TEX28: variants seen among roughly 807,000 people sequenced by gnomAD.
The protein encoded by TEX28 is testis expressed 28.
chrX:154,294,567 C>G (rs1557163509), upstream of TEX28, among the ~76,000 whole-genome samples: 1 of 91,018 alleles, frequency 1.1e-5, no homozygotes, highest in African/African-American at 4.2e-5. Flanking sequence ...TTTGGGAGGC[C>G]GAGGTGGGCA....
At chrX:154,295,007 C>A (rs1365896867), upstream of TEX28, 1 of 111,769 alleles carries the variant, frequency 8.9e-6, no homozygotes, top group Non-Finnish European at 1.9e-5. Flanking sequence ...GGGAGCCATG[C>A]GAGTTCTGGG....
upstream of TEX28, among the ~76,000 whole-genome samples, chrX:154,294,863 G>A (rs2067207059): frequency 8.9e-6 from 1 of 112,046 alleles, no homozygotes; most frequent in Non-Finnish European, 1.9e-5. Flanking sequence ...GGAACCCAAG[G>A]GCATTCAGCC....
At chrX:154,294,797 C>T (rs782505935), upstream of TEX28, among the ~76,000 whole-genome samples, 225 of 107,974 alleles carry the variant, frequency 2.1e-3, no homozygotes, top group Non-Finnish European at 3.4e-3. Flanking sequence ...GGCGAGACTC[C>T]GTCTCAAAAA....
chrX:154,294,380 T>C (rs2067201752), upstream of TEX28, among the ~76,000 whole-genome samples: 1 of 106,994 alleles, frequency 9.3e-6, no homozygotes, highest in East Asian at 3.0e-4. Flanking sequence ...CTTTTTTTTT[T>C]TTTTTAGACG....
upstream of TEX28, among the ~76,000 whole-genome samples, chrX:154,294,568 G>A (rs1175033572): frequency 1.9e-5 from 2 of 104,450 alleles, no homozygotes; most frequent in African/African-American, 7.0e-5. Flanking sequence ...TTGGGAGGCC[G>A]AGGTGGGCAG....
chrX:154,294,461 G>C (rs1557163176), upstream of TEX28, among the ~76,000 whole-genome samples: 69 of 107,746 alleles, frequency 6.4e-4, no homozygotes, highest in African/African-American at 2.2e-3. Context: ...CCGCTTCCCG[G>C]ATTCAAGTGA....
upstream of TEX28, among the ~76,000 whole-genome samples, chrX:154,294,303 G>A (rs2067200993): frequency 3.2e-5 from 3 of 94,327 alleles, no homozygotes; most frequent in African/African-American, 1.2e-4. Context: ...CTGACCTCAG[G>A]TGATCCACCC....
upstream of TEX28, among the ~76,000 whole-genome samples, chrX:154,294,776 T>C (rs61086372): frequency 0.39 from 42,432 of 107,697 alleles, 7,527 homozygotes; most frequent in African/African-American, 0.66. Context: ...GCACTCCAGC[T>C]TGGGCGACAG....
chrX:154,295,082 A>G (rs1167712823), upstream of TEX28: 1 of 111,964 alleles, frequency 8.9e-6, no homozygotes, highest in Non-Finnish European at 1.9e-5. Context: ...TAGTGCTGGC[A>G]CCACCGGACA....
upstream of TEX28, among the ~76,000 whole-genome samples, chrX:154,294,660 AGGTGTGGT>A (rs1557163545): frequency 9.1e-6 from 1 of 109,975 alleles, no homozygotes; most frequent in Non-Finnish European, 1.9e-5. Context: ...AAAATTAGCC[AGGTGTGGT>A]GGCGGATGCC....
chrX:154,294,760 GC>G (rs2067205657), upstream of TEX28, among the ~76,000 whole-genome samples: 1 of 108,875 alleles, frequency 9.2e-6, no homozygotes, highest in African/African-American at 3.4e-5. Flanking sequence ...CTAAGTTCGA[GC>G]CACTGCACTC....
chrX:154,293,317 T>G (rs1391670879), upstream of TEX28, among the ~76,000 whole-genome samples: 1 of 58,233 alleles, frequency 1.7e-5, no homozygotes, highest in Admixed American at 1.8e-4. Flanking sequence ...GAGAAAAAAA[T>G]GGGACTTGAT....
upstream of TEX28, among the ~76,000 whole-genome samples, chrX:154,294,367 C>G (rs1328256707): frequency 2.0e-5 from 2 of 101,784 alleles, no homozygotes; most frequent in Admixed American, 1.1e-4. Context: ...CTGTGCCCAG[C>G]CACTTTTTTT....
chrX:154,293,331 T>A (rs2067195869), upstream of TEX28, among the ~76,000 whole-genome samples: 1 of 74,955 alleles, frequency 1.3e-5, no homozygotes, highest in Non-Finnish European at 2.3e-5. Context: ...ACTTGATTAA[T>A]CAAAACAAAA....
upstream of TEX28, among the ~76,000 whole-genome samples, chrX:154,294,370 C>CTG (rs1557163149): frequency 8.6e-5 from 8 of 93,306 alleles, no homozygotes; most frequent in South Asian, 4.2e-3. Context: ...TGCCCAGCCA[C>CTG]TTTTTTTTTT....
upstream of TEX28, among the ~76,000 whole-genome samples, chrX:154,293,651 C>G (rs2067197093): frequency 1.3e-5 from 1 of 74,310 alleles, no homozygotes. Flanking sequence ...GGGTGGCAGA[C>G]TGAGACCCCA....
chrX:154,294,613 C>G (rs2067203942), upstream of TEX28, among the ~76,000 whole-genome samples: 3 of 108,715 alleles, frequency 2.8e-5, no homozygotes, highest in Admixed American at 3.0e-4. Flanking sequence ...ACCAACCTGG[C>G]CAACATGGTG....
At chrX:154,293,343 C>A, upstream of TEX28, among the ~76,000 whole-genome samples, 1 of 81,707 alleles carries the variant, frequency 1.2e-5, no homozygotes, top group South Asian at 6.1e-4. Context: ...AAAACAAAAA[C>A]AAAAAAGAAA....
upstream of TEX28, chrX:154,295,154 C>T (rs192661898): frequency 8.9e-6 from 1 of 112,452 alleles, no homozygotes; most frequent in Non-Finnish European, 1.9e-5. Context: ...TCGAGTCAGT[C>T]ACGTCACAGG....
Sources: allele counts gnomAD v4.1 joint callset (sites outside exome capture counted in the v4.1 genomes callset), GRCh38; gene constraint gnomAD v4.1.1; transcripts MANE v1.5; gene names NCBI Gene and HGNC (gene_info 2026-07-23, HGNC 2026-07-21).